MSRA: variants seen among roughly 807,000 people sequenced by gnomAD.
MSRA encodes the protein methionine sulfoxide reductase A, also known as mitochondrial peptide methionine sulfoxide reductase.
Under a neutral mutation model 31.3 loss-of-function variants are expected in MSRA, and 54 were observed. That is an observed-to-expected ratio of 1.73 (90% CI 1.39 to 2.17). The LOEUF (loss-of-function observed/expected upper bound fraction) is 2.17. MSRA is among the 30% of genes most tolerant of loss of function. The pLI is 0.00. For missense variants in MSRA, 507 were observed against 300.9 expected, an observed-to-expected ratio of 1.69 and a Z score of -5.07; for synonymous variants, 169 against 116.5, an observed-to-expected ratio of 1.45 and a Z score of -2.90.
intron 2 of MSRA, among the ~76,000 whole-genome samples, chr8:10,234,908 G>A (rs1811822933): frequency 6.6e-6 from 1 of 152,034 alleles, no homozygotes; most frequent in African/African-American, 2.4e-5. Flanking sequence ...TAATAGCATA[G>A]CCTAAACTGT....
intron 1 of MSRA, among the ~76,000 whole-genome samples, chr8:10,105,968 A>G (rs553300533): frequency 1.7e-4 from 26 of 152,356 alleles, no homozygotes; most frequent in African/African-American, 6.3e-4. Flanking sequence ...GCTAGTAACC[A>G]TGTATATGAA....
intron 3 of MSRA, among the ~76,000 whole-genome samples, chr8:10,286,217 G>A (rs905553677): frequency 3.9e-5 from 6 of 152,132 alleles, no homozygotes; most frequent in Non-Finnish European, 5.9e-5. Context: ...AGTAGTTCCC[G>A]TTTTTCAACA....
intron 3 of MSRA, among the ~76,000 whole-genome samples, chr8:10,284,128 G>C (rs1158701188): frequency 1.3e-5 from 2 of 151,844 alleles, no homozygotes; most frequent in South Asian, 2.1e-4. Context: ...CTGCTTTTCT[G>C]CTTTTCTTGA....
chr8:10,403,818 C>T (rs1477787754), intron 5 of MSRA, among the ~76,000 whole-genome samples: 5 of 152,220 alleles, frequency 3.3e-5, no homozygotes, highest in Non-Finnish European at 7.3e-5. Flanking sequence ...ATGCCCAGGC[C>T]GTGTGTCCCT....
chr8:10,274,441 A>G (rs1799212889), intron 3 of MSRA, among the ~76,000 whole-genome samples: 1 of 152,150 alleles, frequency 6.6e-6, no homozygotes, highest in Non-Finnish European at 1.5e-5. Flanking sequence ...TTATCCTGAC[A>G]CTAAGAGTGA....
In MSRA at chr8:10,314,516, A is replaced by C. The variant is rs535398297; in HGVS notation, c.437-5367A>C. On this transcript the variant is annotated intron_variant, in intron 4 of 5. Transcript: ENST00000317173. ...CATTAGCAGACTTTAATGAATTGGC[A>C]AGCATTTAGAGCTCCAGGAATTCTT... Among the ~76,000 whole-genome samples, 4 of 152,360 alleles carry C rather than the reference A, an allele frequency of 2.6e-5. 1 individual carries two copies. The highest frequency in any genetic ancestry group is 9.6e-5 in the African/African-American group (4 of 41,586).
chr8:10,230,935 C>T (rs1204385784), intron 2 of MSRA, among the ~76,000 whole-genome samples: 2 of 152,180 alleles, frequency 1.3e-5, no homozygotes, highest in Non-Finnish European at 2.9e-5. Context: ...CCAGTATGTG[C>T]CACCACGCCT....
chr8:10,172,638 A>G (rs1227786483), intron 1 of MSRA, among the ~76,000 whole-genome samples: 2 of 152,174 alleles, frequency 1.3e-5, no homozygotes, highest in Non-Finnish European at 2.9e-5. Context: ...GCTCCACTTG[A>G]TATTGTAAAT....
chr8:10,356,593 G>C (rs1017003960), intron 5 of MSRA, among the ~76,000 whole-genome samples: 13 of 152,226 alleles, frequency 8.5e-5, no homozygotes, highest in Non-Finnish European at 1.3e-4. Flanking sequence ...AGTAGGTGAT[G>C]ATGATGACCT....
chr8:10,215,521 C>T (rs1309290525), intron 2 of MSRA, among the ~76,000 whole-genome samples: 3 of 152,218 alleles, frequency 2.0e-5, no homozygotes, highest in Admixed American at 6.5e-5. Context: ...GCCAACATCA[C>T]TAGGCTCTAT....
chr8:10,264,992 C>A (rs1483610876), intron 3 of MSRA, among the ~76,000 whole-genome samples: 4 of 152,128 alleles, frequency 2.6e-5, no homozygotes, highest in African/African-American at 4.8e-5. Context: ...TTGGTGAGTC[C>A]TAAGTGACTG....
intron 5 of MSRA, among the ~76,000 whole-genome samples, chr8:10,322,255 A>G (rs1052030860): frequency 3.3e-5 from 5 of 151,936 alleles, no homozygotes; most frequent in Admixed American, 3.3e-4. Flanking sequence ...AGAGAGAGCA[A>G]TGACCTTAGA....
At chr8:10,325,296 G>A (rs901018068) in intron 5 of MSRA, among the ~76,000 whole-genome samples, 2 of 151,982 alleles carry the variant, frequency 1.3e-5, no homozygotes, top group African/African-American at 4.8e-5. Flanking sequence ...GATATAATAT[G>A]TACTTTTATA....
chr8:10,089,914 A>G (rs940738118), intron 1 of MSRA, among the ~76,000 whole-genome samples: 4 of 152,212 alleles, frequency 2.6e-5, no homozygotes, highest in African/African-American at 9.7e-5. Flanking sequence ...CATGTGGGAT[A>G]TGCCCCCAGG....
intron 1 of MSRA, among the ~76,000 whole-genome samples, chr8:10,068,390 C>T (rs193292417): frequency 6.6e-6 from 1 of 152,246 alleles, no homozygotes; most frequent in African/African-American, 2.4e-5. Flanking sequence ...AAGTTATTGC[C>T]AAACCGAAGG....
chr8:10,382,916 T>C (rs141795645), intron 5 of MSRA, among the ~76,000 whole-genome samples: 32 of 152,360 alleles, frequency 2.1e-4, no homozygotes, highest in African/African-American at 7.2e-4. Flanking sequence ...CTTTCAGGTC[T>C]TCATCTTCCT....
chr8:10,390,848 C>T (rs974438701), intron 5 of MSRA, among the ~76,000 whole-genome samples: 3 of 152,056 alleles, frequency 2.0e-5, no homozygotes, highest in South Asian at 2.1e-4. Context: ...CGGTGGCAGG[C>T]GCCTGTAGTC....
intron 5 of MSRA, among the ~76,000 whole-genome samples, chr8:10,378,621 C>T (rs1433442337): frequency 6.6e-6 from 1 of 152,200 alleles, no homozygotes; most frequent in African/African-American, 2.4e-5. Flanking sequence ...CTAACATCCC[C>T]CTCAGCAGCT....
chr8:10,109,085 C>G (rs939550487), intron 1 of MSRA, among the ~76,000 whole-genome samples: 3 of 152,200 alleles, frequency 2.0e-5, no homozygotes, highest in Non-Finnish European at 2.9e-5. Context: ...CATTCCCTTT[C>G]TCACTTAGTT....
Sources: gnomAD v4.1 joint callset for allele counts (sites outside exome capture counted in the v4.1 genomes callset) on GRCh38, gnomAD v4.1.1 for gene constraint, MANE v1.5 for transcripts, NCBI Gene and HGNC (gene_info 2026-07-23, HGNC 2026-07-21) for gene names.